The following CDH12 variants were observed in gnomAD, a reference collection of about 807,000 sequenced individuals.
The protein encoded by CDH12 is cadherin-12.
In CDH12, 41 loss-of-function variants were observed where a neutral mutation model predicts 74.1. The ratio of observed to expected loss-of-function variants is 0.55; its 90% confidence interval spans 0.43 to 0.72. CDH12 has a LOEUF of 0.72. CDH12 is among the 30% of genes least tolerant of loss of function. CDH12 has a pLI of 0.00. For synonymous variants in CDH12, 399 were observed against 355.0 expected, an observed-to-expected ratio of 1.12 and a Z score of -1.39; for missense variants, 945 against 977.2, an observed-to-expected ratio of 0.97 and a Z score of 0.44.
intron 3 of CDH12, among the ~76,000 whole-genome samples, chr5:22,380,609 C>T (rs116443755): frequency 3.4e-4 from 52 of 152,020 alleles, no homozygotes; most frequent in African/African-American, 1.2e-3. Context: ...TTAAAAACTA[C>T]ACGCATTTTC....
At chr5:22,596,103 G>A (rs1310255559) in intron 1 of CDH12, among the ~76,000 whole-genome samples, 8 of 141,284 alleles carry the variant, frequency 5.7e-5, no homozygotes, top group South Asian at 2.3e-4. Context: ...GCGTGACTCC[G>A]TCTCAAAAAA....
intron 2 of CDH12, among the ~76,000 whole-genome samples, chr5:22,460,015 A>G (rs1398963817): frequency 6.6e-6 from 1 of 152,106 alleles, no homozygotes; most frequent in African/African-American, 2.4e-5. Context: ...AATTCATAAA[A>G]TGAGCCAAAT....
intron 14 of CDH12, among the ~76,000 whole-genome samples, chr5:21,754,021 G>C (rs73053202): frequency 0.035 from 5,337 of 152,240 alleles, 114 homozygotes; most frequent in Middle Eastern, 0.071. Context: ...AGAAAAAAAC[G>C]AGGAGGATAC....
rs369033220 is a variant in CDH12, at chr5:22,838,651, CTGTG to C, written c.-523+14403_-523+14406del. Among the ~76,000 whole-genome samples, 1,101 of 143,942 alleles carry C rather than the reference CTGTG, an allele frequency of 7.6e-3. 8 individuals are homozygous for C. Among genetic ancestry groups the C allele is most frequent in the African/African-American group, 0.014 (540 of 38,698 alleles). 94.4% of individuals were successfully genotyped at this position (143,942 alleles called of 152,430 possible). A position where few individuals can be genotyped will look rare whatever the true frequency, so the allele number is the denominator to read the frequency against. On this transcript the variant is annotated intron_variant, in intron 1 of 14. Coordinates refer to ENST00000382254, the MANE Select transcript of CDH12 (RefSeq NM_004061.5). Reference sequence around the variant, plus strand: ...TCTTAAAATGGGTGTGTGAGAGTGTCTGTGTGTGTGTGTGTGTGTGTGTGTGTGT... The same window carrying C: ...TCTTAAAATGGGTGTGTGAGAGTGTCTGTGTGTGTGTGTGTGTGTGTGTGT...
chr5:22,847,974 C>A (rs1737383491), intron 1 of CDH12, among the ~76,000 whole-genome samples: 1 of 152,008 alleles, frequency 6.6e-6, no homozygotes, highest in Non-Finnish European at 1.5e-5. Context: ...ACCTCCGCCT[C>A]CTGGGTTCAA....
At chr5:21,774,206 C>A (rs375086225) in intron 11 of CDH12, among the ~76,000 whole-genome samples, 6 of 152,186 alleles carry the variant, frequency 3.9e-5, no homozygotes, top group Non-Finnish European at 1.5e-5. Flanking sequence ...TAATCAGCTG[C>A]CAGCGTGGCT....
At chr5:22,690,415 T>C (rs1415344339) in intron 1 of CDH12, among the ~76,000 whole-genome samples, 1 of 152,144 alleles carries the variant, frequency 6.6e-6, no homozygotes, top group Non-Finnish European at 1.5e-5. Flanking sequence ...ATCCATAATA[T>C]TTTAAAGGAG....
At chr5:22,212,803 C>G (rs1290079214) in intron 3 of CDH12, 160 bp from the exon 4 acceptor site, 1 of 207,298 alleles carries the variant, frequency 4.8e-6, no homozygotes, top group African/African-American at 2.4e-5. Context: ...TAATCATTGA[C>G]CTGATTAGCA....
At chr5:22,617,165 T>C (rs1737734898) in intron 1 of CDH12, among the ~76,000 whole-genome samples, 1 of 151,954 alleles carries the variant, frequency 6.6e-6, no homozygotes, top group Admixed American at 6.6e-5. Flanking sequence ...TGAGCCACCA[T>C]GCCTGGCTGG....
At chr5:22,255,194 C>T (rs1753270027) in intron 3 of CDH12, among the ~76,000 whole-genome samples, 1 of 151,392 alleles carries the variant, frequency 6.6e-6, no homozygotes, top group Non-Finnish European at 1.5e-5. Flanking sequence ...TTAGCTAGGT[C>T]TAAAGGGAAA....
chr5:22,750,239 C>A (rs1745495543), intron 1 of CDH12, among the ~76,000 whole-genome samples: 1 of 152,014 alleles, frequency 6.6e-6, no homozygotes, highest in Non-Finnish European at 1.5e-5. Context: ...ACAAAGAGAG[C>A]CACAGGAGAT....
At chr5:22,283,354 A>G (rs1305090119) in intron 3 of CDH12, among the ~76,000 whole-genome samples, 1 of 150,302 alleles carries the variant, frequency 6.7e-6, no homozygotes, top group African/African-American at 2.4e-5. Flanking sequence ...TATCACATTT[A>G]TATGTATCAC....
rs573518053 is a variant in CDH12 at position 22,727,491 on chromosome 5, C to A, written c.-523+125567G>T. The stretch of plus-strand genomic sequence containing the variant: ...CATATCCATACTTCACATACTATTT[C>A]ACTATTTATATATGACATTGTTGTT... On this transcript the variant is annotated intron_variant, in intron 1 of 14. Transcript: ENST00000382254. Among the ~76,000 whole-genome samples, 14 of 151,724 alleles carry A rather than the reference C, an allele frequency of 9.2e-5. No homozygotes were observed. In the South Asian group the frequency reaches 2.3e-3, roughly 25 times the overall value.
At chr5:22,412,363 T>C (rs371361167) in intron 2 of CDH12, among the ~76,000 whole-genome samples, 12 of 152,102 alleles carry the variant, frequency 7.9e-5, no homozygotes, top group South Asian at 2.1e-4. Context: ...ATGTTTCATG[T>C]CTTTCGGTTT....
chr5:22,337,851 A>G (rs1355132713), intron 3 of CDH12, among the ~76,000 whole-genome samples: 3 of 152,230 alleles, frequency 2.0e-5, no homozygotes, highest in Non-Finnish European at 1.5e-5. Flanking sequence ...GAGAAATGCC[A>G]GACAAAACCA....
At chr5:21,798,904 A>T (rs904562171) in intron 10 of CDH12, among the ~76,000 whole-genome samples, 3 of 152,180 alleles carry the variant, frequency 2.0e-5, no homozygotes, top group Non-Finnish European at 2.9e-5. Flanking sequence ...GTGCAGCTAT[A>T]AAAAATACCT....
intron 4 of CDH12, among the ~76,000 whole-genome samples, chr5:22,173,263 T>C (rs966230510): frequency 5.4e-5 from 8 of 147,040 alleles, no homozygotes; most frequent in Admixed American, 6.9e-5. Flanking sequence ...TTTATATAAT[T>C]TAAATTTTAT....
At chr5:22,181,806 C>T (rs1338800815) in intron 4 of CDH12, among the ~76,000 whole-genome samples, 1 of 152,086 alleles carries the variant, frequency 6.6e-6, no homozygotes, top group African/African-American at 2.4e-5. Context: ...CTTGATCTCT[C>T]TCTCTCTCTT....
At chr5:22,494,769 C>A (rs1477808036) in intron 2 of CDH12, among the ~76,000 whole-genome samples, 7 of 152,132 alleles carry the variant, frequency 4.6e-5, no homozygotes, top group Non-Finnish European at 5.9e-5. Flanking sequence ...CCATGAAGAG[C>A]CTGTGAGACA....
Sources: allele counts gnomAD v4.1 joint callset (sites outside exome capture counted in the v4.1 genomes callset), GRCh38; gene constraint gnomAD v4.1.1; transcripts MANE v1.5; gene names NCBI Gene and HGNC (gene_info 2026-07-23, HGNC 2026-07-21).